Variants in RGS6 observed in about 807,000 individuals in gnomAD.
The protein encoded by RGS6 is regulator of G-protein signaling 6.
In RGS6, 30 loss-of-function variants were observed where a neutral mutation model predicts 78.5. The observed-to-expected ratio is 0.38, with a 90% CI of 0.29 to 0.52. The LOEUF (loss-of-function observed/expected upper bound fraction) is 0.52, where lower values mean the gene tolerates loss of function less well. Ranked by LOEUF, RGS6 falls within the 20% of genes least tolerant of loss-of-function variation. The pLI is 0.85. For missense variants in RGS6, 495 were observed against 609.7 expected, an observed-to-expected ratio of 0.81 and a Z score of 1.98; for synonymous variants, 206 against 206.0, an observed-to-expected ratio of 1.00 and a Z score of 0.00.
intron 3 of RGS6, among the ~76,000 whole-genome samples, chr14:72,381,067 A>G (rs1186255097): frequency 6.6e-6 from 1 of 152,120 alleles, no homozygotes; most frequent in Admixed American, 6.5e-5. Flanking sequence ...GCTAAGTGAA[A>G]TAAGGCAGAT....
chr14:72,315,928 C>T (rs996652699), intron 2 of RGS6, among the ~76,000 whole-genome samples: 3 of 152,236 alleles, frequency 2.0e-5, no homozygotes, highest in African/African-American at 7.2e-5. Context: ...ACTTCTACCA[C>T]AGAGGCCAGA....
At chr14:72,380,269 T>G (rs1414939872) in intron 3 of RGS6, among the ~76,000 whole-genome samples, 1 of 152,006 alleles carries the variant, frequency 6.6e-6, no homozygotes, top group Non-Finnish European at 1.5e-5. Context: ...GGAAAAGATT[T>G]TATGAATAAG....
At chr14:72,603,022 G>A in the RGS6 span, among the ~76,000 whole-genome samples, 1 of 152,294 alleles carries the variant, frequency 6.6e-6, no homozygotes, top group South Asian at 2.1e-4. Context: ...TAAGCCCTGG[G>A]CTTTTAGGTG....
At chr14:72,319,352 T>TC (rs1567742573) in intron 2 of RGS6, among the ~76,000 whole-genome samples, 1 of 142,264 alleles carries the variant, frequency 7.0e-6, no homozygotes, top group Admixed American at 6.9e-5. Context: ...AGGGGGAAAT[T>TC]TTTTTTTTTT....
chr14:71,901,967 A>T, the RGS6 span, among the ~76,000 whole-genome samples: 13 of 152,206 alleles, frequency 8.5e-5, no homozygotes, highest in Non-Finnish European at 1.9e-4. Flanking sequence ...GCAAATAAGG[A>T]TGGAATATTC....
intron 17 of RGS6, among the ~76,000 whole-genome samples, chr14:72,561,088 G>A (rs1015883106): frequency 4.6e-5 from 7 of 152,124 alleles, no homozygotes; most frequent in Admixed American, 6.5e-5. Flanking sequence ...TCCACAGCCC[G>A]TGTTGTTTAT....
chr14:72,419,463 T>C (rs1225636220), intron 3 of RGS6, among the ~76,000 whole-genome samples: 1 of 152,148 alleles, frequency 6.6e-6, no homozygotes, highest in Non-Finnish European at 1.5e-5. Context: ...CCGGCCTGAA[T>C]TGTAGGAGAG....
the RGS6 span, among the ~76,000 whole-genome samples, chr14:71,872,008 G>C: frequency 3.9e-5 from 6 of 152,120 alleles, no homozygotes; most frequent in Admixed American, 1.3e-4. Flanking sequence ...GGAGATGAGA[G>C]GGAAGGTGAG....
At chr14:72,244,331 A>G (rs953009873) in intron 2 of RGS6, among the ~76,000 whole-genome samples, 1 of 149,152 alleles carries the variant, frequency 6.7e-6, no homozygotes, top group African/African-American at 2.5e-5. Context: ...AACCCTACCT[A>G]CCTCTCTCTG....
At chr14:72,162,120 C>T (rs2096860998) in intron 2 of RGS6, among the ~76,000 whole-genome samples, 1 of 152,048 alleles carries the variant, frequency 6.6e-6, no homozygotes, top group East Asian at 1.9e-4. Flanking sequence ...CAATAATTTG[C>T]ACTTGTTTGC....
At chr14:72,202,142 A>G (rs1304042985) in intron 2 of RGS6, among the ~76,000 whole-genome samples, 1 of 152,204 alleles carries the variant, frequency 6.6e-6, no homozygotes, top group Non-Finnish European at 1.5e-5. Context: ...ACCCTCACGT[A>G]CTTAAAATAT....
chr14:72,624,023 C>G, the RGS6 span, among the ~76,000 whole-genome samples: 1 of 152,124 alleles, frequency 6.6e-6, no homozygotes, highest in African/African-American at 2.4e-5. Flanking sequence ...ACAATTTTAC[C>G]TATAATGGAT....
intron 3 of RGS6, among the ~76,000 whole-genome samples, chr14:72,363,341 T>G (rs188912195): frequency 3.6e-4 from 55 of 152,318 alleles, no homozygotes; most frequent in Admixed American, 1.0e-3. Context: ...AAGGCCATAT[T>G]AACGACAACC....
chr14:72,198,947 G>C (rs925795368), intron 2 of RGS6, among the ~76,000 whole-genome samples: 2 of 152,214 alleles, frequency 1.3e-5, no homozygotes, highest in Admixed American at 6.5e-5. Flanking sequence ...CTTCAGAAAC[G>C]TAACAAGGTT....
intron 2 of RGS6, among the ~76,000 whole-genome samples, chr14:71,967,282 C>T (rs2093580851): frequency 6.6e-6 from 1 of 151,716 alleles, no homozygotes; most frequent in African/African-American, 2.4e-5. Context: ...AGAAAGAAGA[C>T]ACACTTATTG....
intron 2 of RGS6, among the ~76,000 whole-genome samples, chr14:72,290,273 T>C (rs1023434802): frequency 6.6e-6 from 1 of 152,104 alleles, no homozygotes; most frequent in African/African-American, 2.4e-5. Flanking sequence ...TCTCAAGAGG[T>C]TGACATCCTT....
chr14:72,236,877 G>A (rs573226428), intron 2 of RGS6, among the ~76,000 whole-genome samples: 8 of 152,080 alleles, frequency 5.3e-5, no homozygotes, highest in Non-Finnish European at 7.4e-5. Flanking sequence ...CCAGATGGGC[G>A]GCGGCCGGGC....
rs185137649 is a variant in RGS6, at chr14:72,295,935, G to T, written c.85-56160G>T. ...CTTTTAAGTACACAGTTTGATCTGT[G>T]TTGACTATACTTACGTAACCCACAG... is the stretch of plus-strand genomic sequence containing the variant. On this transcript the variant is annotated intron_variant, in intron 2 of 17. Transcript: ENST00000553525. 7.9e-5 allele frequency among the ~76,000 whole-genome samples: 12 copies of T among 152,292 alleles called. No individual in the cohort carries two copies. The East Asian group carries it at 2.3e-3, about 29-fold the overall frequency.
At chr14:72,365,317 G>T (rs2082256254) in intron 3 of RGS6, among the ~76,000 whole-genome samples, 1 of 152,162 alleles carries the variant, frequency 6.6e-6, no homozygotes, top group Non-Finnish European at 1.5e-5. Context: ...AACAGGGGAG[G>T]TATAGCTATA....
Sources: allele counts gnomAD v4.1 joint callset (sites outside exome capture counted in the v4.1 genomes callset), GRCh38; gene constraint gnomAD v4.1.1; transcripts MANE v1.5; gene names NCBI Gene and HGNC (gene_info 2026-07-23, HGNC 2026-07-21).